KANK1: variants seen among roughly 807,000 people sequenced by gnomAD.
KANK1 encodes the protein KN motif and ankyrin repeat domains 1.
In KANK1, 109 loss-of-function variants were observed where a neutral mutation model predicts 106.2. The observed-to-expected ratio is 1.03, with a 90% CI of 0.88 to 1.20. The LOEUF is 1.20. Among genes scored for constraint, KANK1 ranks in the 50% most tolerant of loss-of-function variants. The pLI is 0.00. For synonymous variants in KANK1, 873 were observed against 652.2 expected (o/e 1.34, Z -5.16); for missense variants, 2,399 against 1,710.7 (o/e 1.40, Z -7.10).
chr9:616,898 A>G (rs1831971140), intron 1 of KANK1, among the ~76,000 whole-genome samples: 1 of 152,198 alleles, frequency 6.6e-6, no homozygotes, highest in African/African-American at 2.4e-5. Flanking sequence ...CTACCACTTC[A>G]TTGGTTAAAG....
chr9:560,791 G>C (rs1565791), intron 1 of KANK1, among the ~76,000 whole-genome samples: 37,913 of 151,142 alleles, frequency 0.25, 5,003 homozygotes, highest in Admixed American at 0.37. Flanking sequence ...AAAAAAAAAA[G>C]GCTGCAAAAA....
At chr9:624,326 C>G (rs963501887) in intron 1 of KANK1, among the ~76,000 whole-genome samples, 2 of 152,070 alleles carry the variant, frequency 1.3e-5, no homozygotes, top group Non-Finnish European at 2.9e-5. Context: ...TTTTCCCTCT[C>G]CATGCAGAGG....
intron 3 of KANK1, among the ~76,000 whole-genome samples, chr9:485,272 G>T (rs369618331): frequency 1.3e-5 from 2 of 152,176 alleles, no homozygotes; most frequent in Non-Finnish European, 1.5e-5. Flanking sequence ...ACCCCTCAGA[G>T]TCAGAGTGAT....
At chr9:745,036 G>A in intron 11 of KANK1, 137 bp from the exon 12 acceptor site, 1 of 1,517,036 alleles carries the variant, frequency 6.6e-7, no homozygotes, top group Non-Finnish European at 8.8e-7. Context: ...CCTGTTCCCT[G>A]TTCTCAGCCA....
intron 3 of KANK1, among the ~76,000 whole-genome samples, chr9:721,226 G>A (rs1170600314): frequency 6.6e-6 from 1 of 152,142 alleles, no homozygotes; most frequent in Non-Finnish European, 1.5e-5. Context: ...CTAACCTGTG[G>A]TAAGTAAAGA....
At chr9:720,379 C>G (rs916802286) in intron 3 of KANK1, among the ~76,000 whole-genome samples, 3 of 152,196 alleles carry the variant, frequency 2.0e-5, no homozygotes, top group African/African-American at 7.2e-5. Context: ...AGGTCTCACT[C>G]TGTCTTCCAG....
intron 2 of KANK1, among the ~76,000 whole-genome samples, chr9:700,716 G>A (rs1055610914): frequency 1.3e-5 from 2 of 152,142 alleles, no homozygotes; most frequent in African/African-American, 4.8e-5. Context: ...AACATTAATG[G>A]GAATTAGCAA....
At chr9:701,346 C>A (rs2130276824) in intron 2 of KANK1, among the ~76,000 whole-genome samples, 1 of 152,280 alleles carries the variant, frequency 6.6e-6, no homozygotes, top group East Asian at 1.9e-4. Context: ...TCAGGTGATC[C>A]AGCCGCCTTG....
intron 1 of KANK1, among the ~76,000 whole-genome samples, chr9:543,666 T>C (rs1281262600): frequency 6.6e-6 from 1 of 152,182 alleles, no homozygotes; most frequent in Non-Finnish European, 1.5e-5. Context: ...CTTGTTCTCA[T>C]TTCACCAGAA....
At chr9:663,978 T>C (rs1843975565) in intron 1 of KANK1, among the ~76,000 whole-genome samples, 1 of 152,094 alleles carries the variant, frequency 6.6e-6, no homozygotes, top group Non-Finnish European at 1.5e-5. Context: ...TTTGGCTGTA[T>C]CCTCACCCAG....
chr9:650,728 C>T (rs1401483706), intron 1 of KANK1, among the ~76,000 whole-genome samples: 16 of 151,694 alleles, frequency 1.1e-4, no homozygotes, highest in Non-Finnish European at 1.8e-4. Flanking sequence ...AAGTATTGTC[C>T]CCGGTCTCTT....
chr9:695,463 G>A (rs1282946660), intron 2 of KANK1, among the ~76,000 whole-genome samples: 5 of 64,852 alleles, frequency 7.7e-5, no homozygotes, highest in Non-Finnish European at 1.1e-4. Flanking sequence ...CAAGCAGTGC[G>A]TGTGCACACA....
chr9:647,016 A>G (rs1459790353), intron 1 of KANK1, among the ~76,000 whole-genome samples: 1 of 150,992 alleles, frequency 6.6e-6, no homozygotes, highest in East Asian at 1.9e-4. Flanking sequence ...TCATTGTAAA[A>G]ATCACTTCCC....
chr9:605,437 G>A (rs1828860951), intron 1 of KANK1, among the ~76,000 whole-genome samples: 1 of 151,786 alleles, frequency 6.6e-6, no homozygotes, highest in African/African-American at 2.4e-5. Context: ...AGAGCATCAG[G>A]AAGGGCTTCC....
At position 598,620 on chromosome 9, in the gene KANK1, C is replaced by CTTTTTTTTTTTTTTTTTTT. The variant is rs3028166; in HGVS notation, c.-83-78258_-83-78240dup. Among the ~76,000 whole-genome samples, 10 of 46,680 alleles carry CTTTTTTTTTTTTTTTTTTT rather than the reference C, an allele frequency of 2.1e-4. 2 individuals carry two copies. Among genetic ancestry groups the CTTTTTTTTTTTTTTTTTTT allele is most frequent in the Admixed American group, 3.1e-4 (1 of 3,234 alleles). The allele number at this position is 46,680 out of a possible 152,430, so 30.6% of individuals were successfully genotyped here. A position where few individuals can be genotyped will look rare whatever the true frequency, so the allele number is the denominator to read the frequency against. The stretch of plus-strand genomic sequence containing the variant: ...TTTTTTGTTTTGTTTTGTTGGTTTT[C>CTTTTTTTTTTTTTTTTTTT]TTTTTTTTTTTTTTTTTTTTTTTTT... On this transcript the variant is annotated intron_variant, in intron 1 of 11. Coordinates refer to ENST00000382297, the MANE Select transcript of KANK1 (RefSeq NM_015158.5).
At chr9:738,737 TCTTCTTGCTGCA>T (rs1395446643) in intron 8 of KANK1, among the ~76,000 whole-genome samples, 3 of 152,198 alleles carry the variant, frequency 2.0e-5, no homozygotes, top group East Asian at 1.9e-4. Context: ...GTTTTGAGGA[TCTTCTTGCTGCA>T]GTTCAGCTGC....
At chr9:510,386 A>G (rs1475664889) in intron 1 of KANK1, among the ~76,000 whole-genome samples, 1 of 152,254 alleles carries the variant, frequency 6.6e-6, no homozygotes, top group Non-Finnish European at 1.5e-5. Flanking sequence ...ATAATTAAAA[A>G]TACCAGTTAG....
chr9:733,269 T>C (rs1832807899), intron 6 of KANK1: 1 of 152,232 alleles, frequency 6.6e-6, no homozygotes, highest in Non-Finnish European at 1.5e-5. Flanking sequence ...GAAACTTCAG[T>C]ATGGTTTTTC....
rs111335827 is a variant in KANK1 at position 671,668 on chromosome 9, C to A, written c.-83-5222C>A. ...GTACTGAGAAGCATTTCCTGTGTGTCTCATGTAAGTACTTCAGGCTCTTAA... is the reference window on the plus strand; with the variant it reads ...GTACTGAGAAGCATTTCCTGTGTGTATCATGTAAGTACTTCAGGCTCTTAA... On this transcript the variant is annotated intron_variant, in intron 1 of 11. Coordinates refer to ENST00000382297, the MANE Select transcript of KANK1 (RefSeq NM_015158.5). Among the ~76,000 whole-genome samples, 105 of 15,414 alleles carry A rather than the reference C, an allele frequency of 6.8e-3. No individual in the cohort carries two copies. The African/African-American group carries it at 0.09, about 13-fold the overall frequency. The allele number at this position is 15,414 out of a possible 152,430, so 10.1% of individuals were successfully genotyped here.
Sources: gnomAD v4.1 joint callset for allele counts (sites outside exome capture counted in the v4.1 genomes callset) on GRCh38, gnomAD v4.1.1 for gene constraint, MANE v1.5 for transcripts, NCBI Gene and HGNC (gene_info 2026-07-23, HGNC 2026-07-21) for gene names.